BMPER: variants seen among roughly 807,000 people sequenced by gnomAD.
The protein encoded by BMPER is BMP binding endothelial regulator, also known as BMP-binding endothelial regulator protein.
In BMPER, 45 loss-of-function variants were observed where a neutral mutation model predicts 87.3. That is an observed-to-expected ratio of 0.52 (90% CI 0.41 to 0.66). The LOEUF (loss-of-function observed/expected upper bound fraction) is 0.66, where lower values mean the gene tolerates loss of function less well. BMPER is among the 30% of genes least tolerant of loss of function. BMPER has a pLI of 0.00. For synonymous variants in BMPER, 326 were observed against 316.2 expected, an observed-to-expected ratio of 1.03 and a Z score of -0.33; for missense variants, 784 against 867.5, an observed-to-expected ratio of 0.90 and a Z score of 1.21.
chr7:34,023,428 A>T (rs765321780), intron 6 of BMPER, among the ~76,000 whole-genome samples: 2 of 151,984 alleles, frequency 1.3e-5, no homozygotes, highest in Non-Finnish European at 2.9e-5. Flanking sequence ...GAGGAGAACC[A>T]CTGCCACCGT....
intron 6 of BMPER, among the ~76,000 whole-genome samples, chr7:33,983,203 A>G (rs1247637559): frequency 6.6e-6 from 1 of 152,144 alleles, no homozygotes; most frequent in African/African-American, 2.4e-5. Context: ...AAATGTTTGC[A>G]GGACAAATCC....
upstream of BMPER, chr7:33,905,438 T>TCCCCCCCCCCCCCCCCCCCCCCCCC: frequency 4.3e-5 from 1 of 23,006 alleles, no homozygotes; most frequent in South Asian, 4.7e-4. Context: ...CCTTGGTCTC[T>TCCCCCCCCCCCCCCCCCCCCCCCCC]CCCCCCGCCC....
At chr7:34,063,455 T>C (rs1788496288) in intron 11 of BMPER, among the ~76,000 whole-genome samples, 1 of 152,104 alleles carries the variant, frequency 6.6e-6, no homozygotes, top group African/African-American at 2.4e-5. Flanking sequence ...TATATGTTGC[T>C]ATTTTTAGAA....
intron 11 of BMPER, among the ~76,000 whole-genome samples, chr7:34,065,244 CTCT>C (rs1788554719): frequency 6.8e-5 from 10 of 146,904 alleles, no homozygotes; most frequent in South Asian, 4.3e-4. Context: ...CTCTCTCTCT[CTCT>C]CCCTCTCTCT....
At chr7:33,997,220 T>C (rs1251003193) in intron 6 of BMPER, among the ~76,000 whole-genome samples, 1 of 152,214 alleles carries the variant, frequency 6.6e-6, no homozygotes, top group Non-Finnish European at 1.5e-5. Flanking sequence ...GATTTTCTAA[T>C]GGCATCATCT....
At chr7:34,011,583 C>CAAAAAAAAAAAAAAAAAAAAAAA (rs36022297) in intron 6 of BMPER, among the ~76,000 whole-genome samples, 13 of 45,754 alleles carry the variant, frequency 2.8e-4, no homozygotes, top group Non-Finnish European at 4.3e-4. Context: ...TTGGTCAGGG[C>CAAAAAAAAAAAAAAAAAAAAAAA]AAAAAAAAAA....
intron 6 of BMPER, among the ~76,000 whole-genome samples, chr7:33,988,604 TA>T (rs1162573585): frequency 3.9e-5 from 6 of 152,126 alleles, no homozygotes; most frequent in Non-Finnish European, 8.8e-5. Context: ...TTGGTATTTT[TA>T]TTTTTTTTTA....
chr7:34,067,041 C>T (rs1788611798), intron 11 of BMPER, among the ~76,000 whole-genome samples: 1 of 152,222 alleles, frequency 6.6e-6, no homozygotes, highest in African/African-American at 2.4e-5. Context: ...TTCACGATTA[C>T]ATAACACTGA....
chr7:34,058,205 G>T, intron 10 of BMPER, 42 bp downstream of exon 10: 1 of 1,564,114 alleles, frequency 6.4e-7, no homozygotes, highest in South Asian at 1.1e-5. Flanking sequence ...AGCGTCTTGA[G>T]AAATGTCCTG....
intron 6 of BMPER, among the ~76,000 whole-genome samples, chr7:34,032,262 T>C (rs1585757104): frequency 6.6e-6 from 1 of 152,084 alleles, no homozygotes; most frequent in Admixed American, 6.6e-5. Context: ...CCCTTAACCA[T>C]ATGTACTTCC....
chr7:34,038,581 A>G (rs1787747987), intron 6 of BMPER, among the ~76,000 whole-genome samples: 1 of 152,212 alleles, frequency 6.6e-6, no homozygotes, highest in Non-Finnish European at 1.5e-5. Context: ...ACAATAATGC[A>G]GTTATACTTA....
intron 5 of BMPER, among the ~76,000 whole-genome samples, chr7:33,972,712 C>T (rs1020068130): frequency 1.3e-5 from 2 of 152,202 alleles, no homozygotes; most frequent in African/African-American, 4.8e-5. Flanking sequence ...TCCAGGTGTT[C>T]TGGAAGGCAA....
rs144107742 is a variant in BMPER at position 33,965,094 on chromosome 7, C to T, written c.320-1385C>T. 1.5e-4 allele frequency among the ~76,000 whole-genome samples: 23 copies of T among 152,266 alleles called. No homozygotes were observed. In the East Asian group the frequency reaches 3.9e-3, roughly 26 times the overall value. On this transcript the variant is annotated intron_variant, in intron 3 of 14. Coordinates refer to ENST00000649409, the MANE Select transcript of BMPER (RefSeq NM_001365308.1). Reference sequence around the variant, plus strand: ...GTTGAAAATTTACTGTATTCATTCTCGATTTGGCATAAGTATTTGTAGTGT... The same window carrying T: ...GTTGAAAATTTACTGTATTCATTCTTGATTTGGCATAAGTATTTGTAGTGT...
chr7:34,032,128 C>A (rs1277923541), intron 6 of BMPER, among the ~76,000 whole-genome samples: 2 of 151,202 alleles, frequency 1.3e-5, no homozygotes, highest in Non-Finnish European at 2.9e-5. Flanking sequence ...AGACTGAATA[C>A]TATTGTTCTT....
rs1172380111 is a variant in BMPER, at chr7:34,078,903, T to C, written c.1125T>C (p.Phe375=). ...TTGGAGATCCCCACTACAACACTTT[T>C]GACGGTCGGACATTTAACTTTCAGG... is the stretch of plus-strand genomic sequence containing the variant. ...TVFGDPHYNT[F]DGRTFNFQGT... is the part of the protein sequence containing the mutation. The change falls in exon 12 of 15, where the codon TTT becomes TTC. Residue 375 remains phenylalanine, a synonymous_variant. Coordinates refer to ENST00000649409, the MANE Select transcript of BMPER (RefSeq NM_001365308.1). The C allele has an allele frequency of 3.1e-6, 5 of 1,614,102 alleles. No individual in the cohort carries two copies. The highest frequency in any genetic ancestry group is 3.3e-5 in the Admixed American group (2 of 60,010).
chr7:33,994,155 G>A (rs961686694), intron 6 of BMPER, among the ~76,000 whole-genome samples: 6 of 152,302 alleles, frequency 3.9e-5, no homozygotes, highest in East Asian at 3.9e-4. Context: ...CACCCAGTTC[G>A]AGCTTCCAGG....
chr7:33,911,543 A>G (rs1008077147), intron 2 of BMPER, among the ~76,000 whole-genome samples: 1 of 152,186 alleles, frequency 6.6e-6, no homozygotes, highest in African/African-American at 2.4e-5. Context: ...CAAACTGTCT[A>G]GAATTTGGAG....
At chr7:33,970,470 A>C (rs773419607) in intron 5 of BMPER, 51 bp downstream of exon 5, 92 of 1,561,172 alleles carry the variant, frequency 5.9e-5, no homozygotes, top group Middle Eastern at 1.7e-4. Flanking sequence ...TTCTTTCAGG[A>C]ATGCATGAAT....
intron 6 of BMPER, among the ~76,000 whole-genome samples, chr7:34,028,039 A>T (rs1787403921): frequency 6.6e-6 from 1 of 152,058 alleles, no homozygotes; most frequent in Admixed American, 6.6e-5. Context: ...TGGTTCATTG[A>T]TATGGTTTTA....
Sources: allele counts gnomAD v4.1 joint callset (sites outside exome capture counted in the v4.1 genomes callset), GRCh38; gene constraint gnomAD v4.1.1; transcripts MANE v1.5; gene names NCBI Gene and HGNC (gene_info 2026-07-23, HGNC 2026-07-21).